The following FAM187A variants were observed in gnomAD, a reference collection of about 807,000 sequenced individuals.
The protein encoded by FAM187A is family with sequence similarity 187 member A.
A neutral mutation model predicts 6.4 loss-of-function variants in FAM187A; 4 were observed. That is an observed-to-expected ratio of 0.63 (90% CI 0.31 to 1.44). The LOEUF (loss-of-function observed/expected upper bound fraction) is 1.44. Ranked by LOEUF, FAM187A falls within the 40% of genes most tolerant of loss-of-function variation. FAM187A has a pLI of 0.07. For missense variants in FAM187A, 463 were observed against 542.2 expected, an observed-to-expected ratio of 0.85 and a Z score of 1.45; for synonymous variants, 221 against 213.4, an observed-to-expected ratio of 1.04 and a Z score of -0.31.
At chr17:44,904,143 T>C in exon 4 of FAM187A, 1 of 1,550,322 alleles carries the variant, frequency 6.5e-7, no homozygotes, top group Non-Finnish European at 8.7e-7. Context: ...CGCTTCAGCA[T>C]CCGCATGTTC....
exon 4 of FAM187A, chr17:44,903,500 C>A: frequency 1.6e-6 from 2 of 1,276,474 alleles, no homozygotes; most frequent in Non-Finnish European, 2.0e-6. Context: ...GCCCGAGCAC[C>A]TCGGCCCGCC....
exon 4 of FAM187A, chr17:44,904,321 G>A: frequency 6.5e-7 from 1 of 1,544,130 alleles, no homozygotes; most frequent in South Asian, 1.2e-5. Context: ...AATACTATGG[G>A]CACCTCCATG....
chr17:44,903,960 T>C (rs1408849585), exon 4 of FAM187A: 2 of 1,550,528 alleles, frequency 1.3e-6, no homozygotes, highest in Admixed American at 2.0e-5. Context: ...GCAGCCTACC[T>C]GGCCGACATG....
At chr17:44,904,918 GCAC>G (rs781272444) in exon 4 of FAM187A, 1 of 1,550,616 alleles carries the variant, frequency 6.4e-7, no homozygotes, top group Admixed American at 2.0e-5. Context: ...CATCTCATGG[GCAC>G]TACCCAGCCT....
chr17:44,904,283 G>C (rs1261514520), exon 4 of FAM187A: 1 of 1,549,868 alleles, frequency 6.5e-7, no homozygotes, highest in South Asian at 1.2e-5. Context: ...CACTTTCCAG[G>C]ACAAGGGCCA....
At position 44,904,566 on chromosome 17, in the gene FAM187A, C is replaced by CAAAGACCA. The variant is rs1317112100; in HGVS notation, c.738_745dup (p.Ile249LysfsTer68). 2 of 1,550,590 alleles carry CAAAGACCA rather than the reference C, an allele frequency of 1.3e-6. No individual in the cohort carries two copies. The highest frequency in any genetic ancestry group is 1.7e-6 in the Non-Finnish European group (2 of 1,146,984). ...AGCTGCTTAGTACCCTGTGAGAAGACAAAGACCATCCGGGAGGGCGTGCTG... is the reference window on the plus strand; with the variant it reads ...AGCTGCTTAGTACCCTGTGAGAAGACAAAGACCAAAAGACCATCCGGGAGGGCGTGCTG... On this transcript the variant is annotated frameshift_variant, in exon 4 of 4. Coordinates refer to ENST00000331733, the Ensembl canonical transcript of FAM187A. LOFTEE classifies it high-confidence loss of function.
chr17:44,904,663 G>A (rs1385363719), exon 4 of FAM187A: 1 of 1,550,584 alleles, frequency 6.4e-7, no homozygotes, highest in South Asian at 1.2e-5. Flanking sequence ...AGTTCCACCA[G>A]CAGAGACTGG....
exon 4 of FAM187A, chr17:44,904,284 A>G (rs1166163708): frequency 1.3e-6 from 2 of 1,549,720 alleles, no homozygotes; most frequent in African/African-American, 2.7e-5. Context: ...ACTTTCCAGG[A>G]CAAGGGCCAG....
At chr17:44,904,529 G>C (rs111317907) in exon 4 of FAM187A, 2 of 1,550,514 alleles carry the variant, frequency 1.3e-6, no homozygotes, top group Non-Finnish European at 8.7e-7. Context: ...CACGCCTGAG[G>C]TGCTGGTTCG....
chr17:44,903,614 G>A (rs1421374308), exon 4 of FAM187A: 1 of 1,408,596 alleles, frequency 7.1e-7, no homozygotes, highest in East Asian at 2.6e-5. Context: ...CCCACCCTGA[G>A]ATCAGGTCTG....
chr17:44,903,583 G>C (rs2051598703), exon 4 of FAM187A: 11 of 1,403,346 alleles, frequency 7.8e-6, no homozygotes, highest in South Asian at 1.7e-5. Context: ...TAAAGGCCAG[G>C]TTCTAGAATG....
exon 4 of FAM187A, chr17:44,903,889 T>C: frequency 6.4e-7 from 1 of 1,550,470 alleles, no homozygotes; most frequent in South Asian, 1.2e-5. Flanking sequence ...CCTTTGAAAT[T>C]GTGGAGAAGG....
chr17:44,904,694 T>C, exon 4 of FAM187A: 1 of 1,550,576 alleles, frequency 6.4e-7, no homozygotes, highest in Non-Finnish European at 8.7e-7. Context: ...CATCATCTCC[T>C]GTCCTGGGGC....
At chr17:44,904,000 C>A (rs140032762) in exon 4 of FAM187A, 1 of 1,550,634 alleles carries the variant, frequency 6.4e-7, no homozygotes, top group Non-Finnish European at 8.7e-7. Flanking sequence ...ACTGCAAACC[C>A]GAAGAGGTGC....
At chr17:44,903,489 T>C (rs2051596529) in exon 4 of FAM187A, 7 of 1,274,992 alleles carry the variant, frequency 5.5e-6, no homozygotes, top group Non-Finnish European at 6.9e-6. Flanking sequence ...GAGATCTCCC[T>C]GCCCGAGCAC....
exon 4 of FAM187A, chr17:44,903,966 A>C (rs2051606540): frequency 6.4e-7 from 1 of 1,550,616 alleles, no homozygotes. Flanking sequence ...TACCTGGCCG[A>C]CATGAGCTTT....
chr17:44,904,723 G>A (rs977019558), exon 4 of FAM187A: 74 of 1,550,448 alleles, frequency 4.8e-5, no homozygotes, highest in Non-Finnish European at 5.9e-5. Context: ...AGCATGCAGT[G>A]GCCTGGGACA....
At chr17:44,905,255 G>T in exon 4 of FAM187A, 1 of 601,872 alleles carries the variant, frequency 1.7e-6, no homozygotes, top group East Asian at 2.8e-5. Context: ...AGGGGCCTGA[G>T]GCTGGTGGGA....
exon 4 of FAM187A, chr17:44,904,534 G>A (rs753202902): frequency 1.5e-5 from 24 of 1,550,404 alleles, no homozygotes; most frequent in Middle Eastern, 1.7e-4. Context: ...CTGAGGTGCT[G>A]GTTCGGAGCT....
Sources: gnomAD v4.1 joint callset for allele counts on GRCh38, gnomAD v4.1.1 for gene constraint, MANE v1.5 for transcripts, NCBI Gene and HGNC (gene_info 2026-07-23, HGNC 2026-07-21) for gene names.